CSMD1: variants seen among roughly 807,000 people sequenced by gnomAD.
CSMD1 encodes CUB and sushi domain-containing protein 1.
In CSMD1, 213 loss-of-function variants were observed where a neutral mutation model predicts 417.5. That is an observed-to-expected ratio of 0.51 (90% CI 0.46 to 0.57). The LOEUF is 0.57. Ranked by LOEUF, CSMD1 falls within the 20% of genes least tolerant of loss-of-function variation. The probability of loss-of-function intolerance (pLI) is 0.00; values close to 1 mark genes in which losing one functional copy is unlikely to be tolerated. For missense variants in CSMD1, 6,923 were observed against 4,529.7 expected, an observed-to-expected ratio of 1.53 and a Z score of -15.17; for synonymous variants, 2,862 against 1,736.8, an observed-to-expected ratio of 1.65 and a Z score of -16.11.
intron 6 of CSMD1, among the ~76,000 whole-genome samples, chr8:3,718,146 T>C (rs928102737): frequency 6.6e-6 from 1 of 152,252 alleles, no homozygotes; most frequent in Non-Finnish European, 1.5e-5. Context: ...GATAAATCTA[T>C]TATTGTCTCA....
At chr8:4,465,343 G>A (rs1355469705) in intron 2 of CSMD1, among the ~76,000 whole-genome samples, 2 of 152,110 alleles carry the variant, frequency 1.3e-5, no homozygotes, top group African/African-American at 4.8e-5. Flanking sequence ...TGCAAAAAGT[G>A]TACATCAGTA....
intron 6 of CSMD1, among the ~76,000 whole-genome samples, chr8:3,733,004 C>T (rs756223024): frequency 1.3e-5 from 2 of 152,004 alleles, no homozygotes; most frequent in Non-Finnish European, 2.9e-5. Context: ...CCTAAAGATA[C>T]GTGTGCCCTG....
At chr8:4,671,837 G>C (rs1416049668) in intron 1 of CSMD1, among the ~76,000 whole-genome samples, 1 of 152,090 alleles carries the variant, frequency 6.6e-6, no homozygotes, top group Non-Finnish European at 1.5e-5. Context: ...CGTTTGAGGA[G>C]TTTCATTTAT....
chr8:3,236,037 T>C (rs1206808015), intron 26 of CSMD1, among the ~76,000 whole-genome samples: 1 of 150,070 alleles, frequency 6.7e-6, no homozygotes, highest in Non-Finnish European at 1.5e-5. Flanking sequence ...CCTTCCTCAG[T>C]CTCCGGAGTA....
chr8:4,690,637 C>G (rs866487540), intron 1 of CSMD1, among the ~76,000 whole-genome samples: 14 of 152,138 alleles, frequency 9.2e-5, no homozygotes, highest in Non-Finnish European at 1.9e-4. Context: ...GTTATTCACA[C>G]AATCCTTTTG....
intron 3 of CSMD1, among the ~76,000 whole-genome samples, chr8:4,383,958 A>G (rs1022616912): frequency 6.6e-6 from 1 of 152,226 alleles, no homozygotes; most frequent in Non-Finnish European, 1.5e-5. Flanking sequence ...TTATGGAAAC[A>G]GCTCTCTCAA....
chr8:3,331,026 G>C (rs781139707), intron 23 of CSMD1, among the ~76,000 whole-genome samples: 1 of 151,660 alleles, frequency 6.6e-6, no homozygotes, highest in African/African-American at 2.4e-5. Flanking sequence ...CGAGGCGGGC[G>C]GATCACCAGG....
chr8:3,414,846 G>A (rs554137563), intron 12 of CSMD1, among the ~76,000 whole-genome samples: 29 of 152,176 alleles, frequency 1.9e-4, no homozygotes, highest in African/African-American at 6.7e-4. Flanking sequence ...ATTTAACCAT[G>A]CACTGTTGAT....
chr8:3,370,533 T>G (rs1407923683), intron 18 of CSMD1, among the ~76,000 whole-genome samples: 1 of 152,250 alleles, frequency 6.6e-6, no homozygotes, highest in Non-Finnish European at 1.5e-5. Flanking sequence ...GGCTAAGGGC[T>G]GCCCAGATAG....
intron 2 of CSMD1, among the ~76,000 whole-genome samples, chr8:4,435,841 A>G (rs766136459): frequency 1.3e-5 from 2 of 152,216 alleles, no homozygotes; most frequent in Non-Finnish European, 2.9e-5. Flanking sequence ...GTGTGACTCC[A>G]AAGCTCACCT....
At chr8:3,910,634 G>T (rs1808402369) in intron 5 of CSMD1, among the ~76,000 whole-genome samples, 2 of 152,224 alleles carry the variant, frequency 1.3e-5, no homozygotes, top group South Asian at 2.1e-4. Context: ...TAAAGCTATT[G>T]TGCTTAATAA....
At chr8:4,436,237 A>G (rs560568764) in intron 2 of CSMD1, among the ~76,000 whole-genome samples, 4 of 152,302 alleles carry the variant, frequency 2.6e-5, no homozygotes, top group Admixed American at 2.6e-4. Flanking sequence ...GTAGGACAAA[A>G]TTAGTTCATA....
chr8:3,807,591 T>G (rs1182099617), intron 5 of CSMD1, among the ~76,000 whole-genome samples: 2 of 152,212 alleles, frequency 1.3e-5, no homozygotes, highest in Non-Finnish European at 2.9e-5. Context: ...AGCCACAATT[T>G]CTTTGTGTTT....
intron 3 of CSMD1, among the ~76,000 whole-genome samples, chr8:4,383,367 A>C (rs1803230685): frequency 1.3e-5 from 2 of 152,194 alleles, no homozygotes; most frequent in African/African-American, 4.8e-5. Context: ...TCTTTTGCTT[A>C]TGGAAATGTT....
chr8:4,222,794 G>A (rs551356084), intron 3 of CSMD1, among the ~76,000 whole-genome samples: 11 of 152,218 alleles, frequency 7.2e-5, no homozygotes, highest in African/African-American at 2.6e-4. Flanking sequence ...ATTAAGGGCT[G>A]GTTGAGCTGA....
At chr8:4,203,554 G>A (rs1478856806) in intron 3 of CSMD1, among the ~76,000 whole-genome samples, 1 of 152,178 alleles carries the variant, frequency 6.6e-6, no homozygotes, top group African/African-American at 2.4e-5. Context: ...ACAGCTGGGT[G>A]TGAATTTGGA....
chr8:3,250,575 G>A (rs1017076279), intron 26 of CSMD1, among the ~76,000 whole-genome samples: 1 of 152,190 alleles, frequency 6.6e-6, no homozygotes, highest in African/African-American at 2.4e-5. Context: ...TATATACCCA[G>A]TAATGGGATG....
At chr8:3,801,628 C>A (rs958333710) in intron 5 of CSMD1, among the ~76,000 whole-genome samples, 4 of 135,152 alleles carry the variant, frequency 3.0e-5, no homozygotes, top group Admixed American at 2.3e-4. Flanking sequence ...AGTTTTTCTA[C>A]CCAAGAAAAC....
chr8:4,153,964 C>T (rs1351131301), intron 3 of CSMD1, among the ~76,000 whole-genome samples: 1 of 152,182 alleles, frequency 6.6e-6, no homozygotes, highest in Non-Finnish European at 1.5e-5. Flanking sequence ...GCATTACTGA[C>T]AGCAAATTAC....
Sources: allele counts gnomAD v4.1 joint callset (sites outside exome capture counted in the v4.1 genomes callset), GRCh38; gene constraint gnomAD v4.1.1; transcripts MANE v1.5; gene names NCBI Gene and HGNC (gene_info 2026-07-23, HGNC 2026-07-21).